The following EBF3 variants were observed in gnomAD, a reference collection of about 807,000 sequenced individuals.
EBF3 encodes transcription factor COE3.
In EBF3, 18 loss-of-function variants were observed where a neutral mutation model predicts 77.1. That is an observed-to-expected ratio of 0.23 (90% confidence interval 0.16 to 0.35). The LOEUF (loss-of-function observed/expected upper bound fraction) is 0.35, where lower values mean the gene tolerates loss of function less well. Ranked by LOEUF, EBF3 falls within the 10% of genes least tolerant of loss-of-function variation. The pLI is 1.00. For synonymous variants in EBF3, 350 were observed against 343.5 expected (o/e 1.02, Z -0.21); for missense variants, 558 against 860.0 (o/e 0.65, Z 4.39).
intron 11 of EBF3, among the ~76,000 whole-genome samples, chr10:129,843,554 C>T (rs1214413012): frequency 6.6e-6 from 1 of 152,172 alleles, no homozygotes; most frequent in Non-Finnish European, 1.5e-5. Context: ...ACACACATGG[C>T]GGAGATATGA....
At position 129,837,782 on chromosome 10, in the gene EBF3, A is replaced by ATCTT. The variant is rs1450293576; in HGVS notation, c.*157_*160dup. On this transcript the variant is annotated 3_prime_UTR_variant, in exon 17 of 17. Transcript: ENST00000440978. The stretch of plus-strand genomic sequence containing the variant: ...GTTGATTCTTAATAGTTTAAATAAA[A>ATCTT]TCTTTAAACAAAGTCTTTTGTAGCA... The ATCTT allele has an allele frequency of 1.6e-5, 14 of 880,544 alleles. No individual in the cohort carries two copies. In the East Asian group the frequency reaches 2.4e-4, roughly 15 times the overall value. 54.5% of individuals were successfully genotyped at this position (880,544 alleles called of 1,614,324 possible). A position where few individuals can be genotyped will look rare whatever the true frequency, so the allele number is the denominator to read the frequency against.
rs1456277766 is a variant in EBF3 at position 129,841,938 on chromosome 10, CACT to C, written c.1372+175_1372+177del. Among the ~76,000 whole-genome samples, 2 of 152,208 alleles carry C rather than the reference CACT, an allele frequency of 1.3e-5. No homozygotes were observed. The highest frequency in any genetic ancestry group is 2.9e-5 in the Non-Finnish European group (2 of 68,038). On this transcript the variant is annotated intron_variant, in intron 13 of 16. Coordinates refer to ENST00000440978, the MANE Select transcript of EBF3 (RefSeq NM_001375380.1). The surrounding 1 kb of genome is among the most constrained non-coding windows in gnomAD (Gnocchi z 4.6). ...GGCTCTCTGAGTGTTCTTACCCCAG[CACT>C]GGCTGGGAGGACCTGCAGCAAGGTC...
chr10:129,949,364 G>A (rs1233119206), intron 6 of EBF3, among the ~76,000 whole-genome samples: 2 of 152,174 alleles, frequency 1.3e-5, no homozygotes, highest in Non-Finnish European at 2.9e-5. Context: ...ACTCAGGGAG[G>A]AGCCCCTCCC....
At chr10:129,959,097 C>T (rs1019426483) in intron 4 of EBF3, 90 bp from the exon 5 acceptor site, 1 of 1,499,388 alleles carries the variant, frequency 6.7e-7, no homozygotes, top group East Asian at 2.5e-5. Context: ...TGGCTGGCAG[C>T]AGGTGCACCA....
chr10:129,928,067 T>A (rs921876238), intron 6 of EBF3, among the ~76,000 whole-genome samples: 6 of 152,120 alleles, frequency 3.9e-5, no homozygotes, highest in Admixed American at 2.0e-4. Context: ...CCGTTACTAT[T>A]CCGAGCAATG....
chr10:129,963,021 A>G lies in EBF3; in HGVS notation c.292-16T>C, dbSNP rs753140786. 1.1e-5 allele frequency: 17 copies of G among 1,614,136 alleles called. No homozygotes were observed. The highest frequency in any genetic ancestry group is 1.0e-5 in the Non-Finnish European group (12 of 1,179,992). The stretch of plus-strand genomic sequence containing the variant: ...TGTTTGGCTCCTGAAAGTAACGATA[A>G]ATAATTGCATTTAGTGCGATCGGTG... On this transcript the variant is annotated splice_polypyrimidine_tract_variant and intron_variant, in intron 2 of 16. Transcript: ENST00000440978. The surrounding 1 kb of genome is among the most constrained non-coding windows in gnomAD (Gnocchi z 7.1).
At chr10:129,918,296 G>A (rs1856029647) in intron 6 of EBF3, among the ~76,000 whole-genome samples, 1 of 152,222 alleles carries the variant, frequency 6.6e-6, no homozygotes, top group South Asian at 2.1e-4. Context: ...CAGGGGCCAA[G>A]ACCCCACTTC....
At chr10:129,898,767 C>T (rs1033806700) in intron 6 of EBF3, among the ~76,000 whole-genome samples, 1 of 152,190 alleles carries the variant, frequency 6.6e-6, no homozygotes, top group Non-Finnish European at 1.5e-5. Flanking sequence ...TGCACATCTG[C>T]CAAGCTGGTC....
At chr10:129,917,591 T>C (rs1855965755) in intron 6 of EBF3, among the ~76,000 whole-genome samples, 1 of 135,022 alleles carries the variant, frequency 7.4e-6, no homozygotes. Context: ...CAGTGAGCTA[T>C]GACTGTGCCT....
intron 4 of EBF3, among the ~76,000 whole-genome samples, chr10:129,960,708 C>A (rs1176029099): frequency 6.8e-6 from 1 of 146,550 alleles, no homozygotes; most frequent in Admixed American, 7.0e-5. Context: ...CCTGTTTATA[C>A]TGCAAAGGTA....
rs1346863241 is a variant in EBF3, at chr10:129,861,421, A to G, written c.1039+5720T>C. ...AGTTGTGTTGTTGGAGTCACGCATT[A>G]TCTTGTGATTATCCCGATTCTGGGC... On this transcript the variant is annotated intron_variant, in intron 10 of 16. Transcript: ENST00000440978. This position sits in a 1 kb window ranked among gnomAD's most constrained non-coding sequence, Gnocchi z 4.3. Among the ~76,000 whole-genome samples the G allele has an allele frequency of 2.6e-5, 4 of 152,226 alleles. No homozygotes were observed. The highest frequency in any genetic ancestry group is 6.5e-5 in the Admixed American group (1 of 15,282).
rs1277946800 is a variant in EBF3 at position 129,964,207 on chromosome 10, G to A, written c.-439C>T. The A allele has an allele frequency of 3.0e-6, 3 of 984,890 alleles. No homozygotes were observed. The highest frequency in any genetic ancestry group is 3.5e-5 in the African/African-American group (2 of 57,196). 61.0% of individuals were successfully genotyped at this position (984,890 alleles called of 1,614,324 possible). ...CAGTCCCGGGCGCAGGCGGGGCGCG[G>A]CGGGGCCTGGAGCGGCGCGCGCAGC... On this transcript the variant is annotated 5_prime_UTR_variant, in exon 1 of 17. Transcript: ENST00000440978. This position sits in a 1 kb window ranked among gnomAD's most constrained non-coding sequence, Gnocchi z 4.5.
chr10:129,925,163 G>C (rs189384310), intron 6 of EBF3, among the ~76,000 whole-genome samples: 13 of 152,184 alleles, frequency 8.5e-5, no homozygotes, highest in African/African-American at 2.7e-4. Flanking sequence ...TAATGGGCCA[G>C]GCGCAGTGGC....
At chr10:129,838,084 TC>T in intron 16 of EBF3, 124 bp from the exon 17 acceptor site, 1 of 1,180,434 alleles carries the variant, frequency 8.5e-7, no homozygotes, top group Non-Finnish European at 1.2e-6. Context: ...CACAGTTCCG[TC>T]CACCAGCCTC....
chr10:129,845,757 A>G (rs924746288), intron 11 of EBF3: 2 of 87,496 alleles, frequency 2.3e-5, no homozygotes, highest in African/African-American at 5.2e-5. Context: ...TTTGTATATT[A>G]GAAAAAAAGA....
chr10:129,870,359 A>G lies in EBF3; in HGVS notation c.782-2447T>C, dbSNP rs1481594685. ...CAGGAGCTGGGCCCGGCAGCTGAAG[A>G]TGGCAGAGGAGGAGCAGGGAAGCAG... On this transcript the variant is annotated intron_variant, in intron 8 of 16. Transcript: ENST00000440978. The surrounding 1 kb of genome is among the most constrained non-coding windows in gnomAD (Gnocchi z 4.4). Among the ~76,000 whole-genome samples, 1 of 152,146 alleles carries G rather than the reference A, an allele frequency of 6.6e-6. No homozygotes were observed. Among genetic ancestry groups the G allele is most frequent in the Non-Finnish European group, 1.5e-5 (1 of 68,024 alleles).
At chr10:129,866,956 T>C (rs1852061228) in intron 10 of EBF3, among the ~76,000 whole-genome samples, 185 bp downstream of exon 10, 1 of 152,232 alleles carries the variant, frequency 6.6e-6, no homozygotes, top group Non-Finnish European at 1.5e-5. Context: ...CACGGCTTCA[T>C]ACGCCATCTC....
chr10:129,902,084 T>C (rs1854825243), intron 6 of EBF3, among the ~76,000 whole-genome samples: 1 of 152,190 alleles, frequency 6.6e-6, no homozygotes, highest in African/African-American at 2.4e-5. Flanking sequence ...GGGAGCAACA[T>C]GTTAACTTCT....
At chr10:129,887,180 C>T (rs913900411) in intron 6 of EBF3, among the ~76,000 whole-genome samples, 4 of 152,140 alleles carry the variant, frequency 2.6e-5, no homozygotes, top group Non-Finnish European at 4.4e-5. Context: ...CAACAGCCCA[C>T]GGCTGGGGAG....
Sources: gnomAD v4.1 joint callset for allele counts (sites outside exome capture counted in the v4.1 genomes callset) on GRCh38, gnomAD v4.1.1 for gene constraint, Gnocchi (gnomAD v3.1) non-coding constraint, MANE v1.5 for transcripts, NCBI Gene and HGNC (gene_info 2026-07-23, HGNC 2026-07-21) for gene names.